The following MMS22L variants were observed in gnomAD, a reference collection of about 807,000 sequenced individuals.
MMS22L encodes the protein protein MMS22-like.
MMS22L carries 74 observed loss-of-function variants against 159.1 expected under a neutral mutation model. The ratio of observed to expected loss-of-function variants is 0.47; its 90% CI spans 0.39 to 0.56. The LOEUF (loss-of-function observed/expected upper bound fraction) is 0.56. MMS22L is among the 20% of genes least tolerant of loss of function. The pLI, the probability that MMS22L is intolerant of heterozygous loss-of-function variation, is 0.00. For synonymous variants in MMS22L, 517 were observed against 506.9 expected, an observed-to-expected ratio of 1.02 and a Z score of -0.27; for missense variants, 1,351 against 1,422.1, an observed-to-expected ratio of 0.95 and a Z score of 0.80.
chr6:97,210,268 G>A (rs936499346), intron 14 of MMS22L, among the ~76,000 whole-genome samples: 3 of 151,914 alleles, frequency 2.0e-5, no homozygotes. Context: ...TATAAAAAGT[G>A]CTTAATATGC....
At chr6:97,276,925 CCT>C (rs1267361309) in intron 4 of MMS22L, among the ~76,000 whole-genome samples, 3 of 152,172 alleles carry the variant, frequency 2.0e-5, no homozygotes, top group Non-Finnish European at 4.4e-5. Flanking sequence ...GCATATTTTT[CCT>C]CTTTGATTCG....
intron 24 of MMS22L, 129 bp downstream of exon 24, chr6:97,149,724 T>C (rs1373016978): frequency 1.1e-6 from 1 of 924,054 alleles, no homozygotes; most frequent in Non-Finnish European, 1.6e-6. Context: ...ATCACAGTAC[T>C]GAAACATTTT....
chr6:97,276,395 T>C (rs1816247276), intron 4 of MMS22L, among the ~76,000 whole-genome samples: 1 of 152,126 alleles, frequency 6.6e-6, no homozygotes, highest in Admixed American at 6.5e-5. Context: ...TAATAATCTA[T>C]CATAATAAAT....
intron 14 of MMS22L, among the ~76,000 whole-genome samples, chr6:97,205,715 G>A (rs533098383): frequency 8.5e-5 from 13 of 152,272 alleles, no homozygotes; most frequent in East Asian, 3.9e-4. Context: ...CCTGTGACAC[G>A]TCAATGCAGA....
chr6:97,185,782 A>G (rs1805163751), intron 15 of MMS22L, among the ~76,000 whole-genome samples: 1 of 152,188 alleles, frequency 6.6e-6, no homozygotes, highest in African/African-American at 2.4e-5. Flanking sequence ...ATTTAAAAAT[A>G]AATTAAATAC....
At chr6:97,184,081 T>C (rs1478275829) in intron 15 of MMS22L, among the ~76,000 whole-genome samples, 1 of 152,154 alleles carries the variant, frequency 6.6e-6, no homozygotes, top group East Asian at 1.9e-4. Context: ...CAAACTGCTC[T>C]TTCAGGTCAC....
chr6:97,253,723 G>C (rs1280879155), intron 10 of MMS22L: 2 of 152,168 alleles, frequency 1.3e-5, no homozygotes, highest in Admixed American at 1.3e-4. Context: ...GCCTTCCAAA[G>C]TGCTGGGATT....
intron 3 of MMS22L, among the ~76,000 whole-genome samples, chr6:97,279,793 A>G (rs1816591213): frequency 6.6e-6 from 1 of 152,138 alleles, no homozygotes; most frequent in Admixed American, 6.5e-5. Context: ...CTCAAAAAAA[A>G]AAAAAAAGAA....
At chr6:97,160,043 C>G (rs986922062) in intron 22 of MMS22L, among the ~76,000 whole-genome samples, 5 of 146,436 alleles carry the variant, frequency 3.4e-5, no homozygotes, top group African/African-American at 1.3e-4. Flanking sequence ...TCACCACCTC[C>G]TTTTTATTGT....
chr6:97,238,775 G>A (rs534397624), intron 11 of MMS22L, among the ~76,000 whole-genome samples: 45 of 139,902 alleles, frequency 3.2e-4, no homozygotes, highest in South Asian at 7.5e-4. Context: ...ATACTACATA[G>A]GTCAAATCTT....
At chr6:97,235,567 AG>A (rs2128009835) in intron 11 of MMS22L, among the ~76,000 whole-genome samples, 1 of 152,342 alleles carries the variant, frequency 6.6e-6, no homozygotes, top group African/African-American at 2.4e-5. Context: ...GAAGTACTTC[AG>A]AAAAACGACA....
intron 12 of MMS22L, 43 bp from the exon 13 acceptor site, chr6:97,231,695 CTT>C (rs1810892739): frequency 1.4e-6 from 2 of 1,392,234 alleles, no homozygotes; most frequent in Non-Finnish European, 2.0e-6. Context: ...TTATTAGTCT[CTT>C]AGTAAATAAA....
At chr6:97,268,928 T>C (rs1384457675) in intron 7 of MMS22L, among the ~76,000 whole-genome samples, 1 of 152,078 alleles carries the variant, frequency 6.6e-6, no homozygotes, top group African/African-American at 2.4e-5. Context: ...TATATGTATG[T>C]ATTTATTAAC....
chr6:97,183,655 A>C (rs1804943812), intron 15 of MMS22L, among the ~76,000 whole-genome samples: 1 of 152,148 alleles, frequency 6.6e-6, no homozygotes, highest in South Asian at 2.1e-4. Context: ...GAAACAAGAA[A>C]CATCAGAAGA....
intron 11 of MMS22L, among the ~76,000 whole-genome samples, chr6:97,240,969 CATT>C (rs1237018644): frequency 6.6e-6 from 1 of 152,156 alleles, no homozygotes; most frequent in Non-Finnish European, 1.5e-5. Flanking sequence ...CTACTCCCAC[CATT>C]CCCCTCAGGC....
chr6:97,235,936 G>A (rs77172022), intron 11 of MMS22L, among the ~76,000 whole-genome samples: 8,629 of 152,232 alleles, frequency 0.057, 339 homozygotes, highest in Middle Eastern at 0.1. Context: ...TGTAAAGATA[G>A]GAATTCTTAC....
intron 10 of MMS22L, among the ~76,000 whole-genome samples, chr6:97,250,925 C>T (rs1261608925): frequency 1.3e-5 from 2 of 152,098 alleles, no homozygotes; most frequent in Admixed American, 1.3e-4. Context: ...TACTGCACAA[C>T]CATTTTCTCT....
At chr6:97,149,072 C>T (rs554582419) in intron 24 of MMS22L, among the ~76,000 whole-genome samples, 4 of 152,292 alleles carry the variant, frequency 2.6e-5, no homozygotes, top group Admixed American at 6.5e-5. Flanking sequence ...CAATAGGCCA[C>T]ACCACATTGC....
chr6:97,274,487 A>C (rs1424057304), intron 4 of MMS22L, among the ~76,000 whole-genome samples: 1 of 152,132 alleles, frequency 6.6e-6, no homozygotes, highest in Non-Finnish European at 1.5e-5. Flanking sequence ...GAAAACCATA[A>C]AAATTACGTC....
Sources: gnomAD v4.1 joint callset for allele counts (sites outside exome capture counted in the v4.1 genomes callset) on GRCh38, gnomAD v4.1.1 for gene constraint, MANE v1.5 for transcripts, NCBI Gene and HGNC (gene_info 2026-07-23, HGNC 2026-07-21) for gene names.